STAC: variants seen among roughly 807,000 people sequenced by gnomAD.
STAC encodes the protein SH3 and cysteine-rich domain-containing protein.
In STAC, 43 loss-of-function variants were observed where a neutral mutation model predicts 48.8. The observed-to-expected ratio is 0.88, with a 90% CI of 0.69 to 1.14. The LOEUF (loss-of-function observed/expected upper bound fraction) is 1.14, where lower values mean the gene tolerates loss of function less well. STAC is among the 50% of genes most tolerant of loss of function. The pLI, the probability that STAC is intolerant of heterozygous loss-of-function variation, is 0.00. For missense variants in STAC, 497 were observed against 504.0 expected, an observed-to-expected ratio of 0.99 and a Z score of 0.13; for synonymous variants, 193 against 179.5, an observed-to-expected ratio of 1.07 and a Z score of -0.60.
intron 8 of STAC, among the ~76,000 whole-genome samples, chr3:36,512,607 T>A (rs1698570036): frequency 6.6e-6 from 1 of 152,058 alleles, no homozygotes; most frequent in African/African-American, 2.4e-5. Context: ...AGCTGCCTGG[T>A]GGTGGTCATC....
At chr3:36,437,383 C>A (rs1250795457) in intron 1 of STAC, among the ~76,000 whole-genome samples, 1 of 151,684 alleles carries the variant, frequency 6.6e-6, no homozygotes, top group Non-Finnish European at 1.5e-5. Flanking sequence ...ACCAAAATGT[C>A]CAACAATGTT....
chr3:36,385,035 C>G (rs1357667410), intron 1 of STAC, among the ~76,000 whole-genome samples: 1 of 152,122 alleles, frequency 6.6e-6, no homozygotes, highest in Non-Finnish European at 1.5e-5. Flanking sequence ...ATTGAAATCA[C>G]CAAGGGAACC....
intron 1 of STAC, among the ~76,000 whole-genome samples, chr3:36,381,291 T>C (rs1248771588): frequency 6.6e-6 from 1 of 152,202 alleles, no homozygotes; most frequent in Non-Finnish European, 1.5e-5. Context: ...ATGTTCCTCT[T>C]GTGAAAGTTA....
At chr3:36,536,586 A>G (rs1699203464) in intron 10 of STAC, among the ~76,000 whole-genome samples, 1 of 152,172 alleles carries the variant, frequency 6.6e-6, no homozygotes, top group Non-Finnish European at 1.5e-5. Flanking sequence ...ACCTTATACA[A>G]AAATTAACTC....
intron 8 of STAC, among the ~76,000 whole-genome samples, chr3:36,524,429 T>A (rs531458601): frequency 6.6e-6 from 1 of 151,888 alleles, no homozygotes; most frequent in African/African-American, 2.4e-5. Context: ...CTGTCTCTAC[T>A]AAAAATACAA....
intron 2 of STAC, among the ~76,000 whole-genome samples, chr3:36,458,401 A>G (rs1696910504): frequency 6.6e-6 from 1 of 152,182 alleles, no homozygotes; most frequent in South Asian, 2.1e-4. Context: ...AGCTCTTTCT[A>G]AAATATCACA....
intron 1 of STAC, among the ~76,000 whole-genome samples, chr3:36,442,884 G>A (rs1387922027): frequency 6.6e-6 from 1 of 151,940 alleles, no homozygotes; most frequent in East Asian, 1.9e-4. Context: ...TAGCGAGATG[G>A]ATTTTGAGCC....
At chr3:36,385,659 T>C (rs1418580518) in intron 1 of STAC, among the ~76,000 whole-genome samples, 1 of 152,110 alleles carries the variant, frequency 6.6e-6, no homozygotes, top group Admixed American at 6.5e-5. Context: ...CTCATACCCC[T>C]TTCTAATCAC....
At chr3:36,410,452 A>G (rs1331883735) in intron 1 of STAC, among the ~76,000 whole-genome samples, 1 of 152,202 alleles carries the variant, frequency 6.6e-6, no homozygotes, top group African/African-American at 2.4e-5. Context: ...CATTCAACAA[A>G]GAGGCTAATA....
At chr3:36,476,286 C>G (rs1253375273) in intron 2 of STAC, among the ~76,000 whole-genome samples, 1 of 152,208 alleles carries the variant, frequency 6.6e-6, no homozygotes, top group East Asian at 1.9e-4. Context: ...GTAATAGGTG[C>G]TCTGAGAACG....
chr3:36,537,934 T>A (rs904106771), intron 10 of STAC, among the ~76,000 whole-genome samples: 5 of 152,052 alleles, frequency 3.3e-5, no homozygotes, highest in Admixed American at 2.0e-4. Flanking sequence ...TTATTATTTG[T>A]GTTCTATCAA....
At chr3:36,454,233 C>G (rs952942595) in intron 2 of STAC, among the ~76,000 whole-genome samples, 6 of 152,162 alleles carry the variant, frequency 3.9e-5, no homozygotes, top group African/African-American at 1.4e-4. Context: ...CCACACTGCC[C>G]TTATGAGCTG....
intron 2 of STAC, among the ~76,000 whole-genome samples, chr3:36,481,532 C>G (rs1462855578): frequency 4.6e-5 from 7 of 152,156 alleles, no homozygotes. Context: ...CTGTGCTGTA[C>G]AGTGGGGTAT....
At chr3:36,488,002 G>A (rs936794310) in intron 5 of STAC, among the ~76,000 whole-genome samples, 2 of 152,232 alleles carry the variant, frequency 1.3e-5, no homozygotes, top group Non-Finnish European at 2.9e-5. Flanking sequence ...GGCTGCTTAG[G>A]TTGGGTAACA....
chr3:36,448,903 C>CA (rs1491216105), intron 2 of STAC, among the ~76,000 whole-genome samples: 1 of 12,652 alleles, frequency 7.9e-5, no homozygotes, highest in African/African-American at 6.7e-4. Context: ...AACAGTGAAC[C>CA]CCCCCCCCCA....
intron 2 of STAC, among the ~76,000 whole-genome samples, chr3:36,449,301 C>T (rs113629612): frequency 6.6e-6 from 1 of 152,052 alleles, no homozygotes; most frequent in Non-Finnish European, 1.5e-5. Context: ...GGCAGTGGGA[C>T]GAATGGATTG....
chr3:36,392,036 C>A (rs528923266), intron 1 of STAC, among the ~76,000 whole-genome samples: 10 of 152,202 alleles, frequency 6.6e-5, no homozygotes, highest in African/African-American at 2.4e-4. Flanking sequence ...CACATTCCCT[C>A]CCCTCCCCTC....
intron 1 of STAC, among the ~76,000 whole-genome samples, chr3:36,418,609 A>G (rs58992824): frequency 0.023 from 3,510 of 151,944 alleles, 65 homozygotes; most frequent in Non-Finnish European, 0.025. Context: ...AAAAATCTTA[A>G]TACTCTCGAT....
chr3:36,542,587 A>G (rs1297765684), intron 10 of STAC, among the ~76,000 whole-genome samples: 2 of 152,142 alleles, frequency 1.3e-5, no homozygotes, highest in African/African-American at 4.8e-5. Flanking sequence ...CTTTCTTTAA[A>G]TATCACTTCT....
Sources: gnomAD v4.1 joint callset for allele counts (sites outside exome capture counted in the v4.1 genomes callset) on GRCh38, gnomAD v4.1.1 for gene constraint, MANE v1.5 for transcripts, NCBI Gene and HGNC (gene_info 2026-07-23, HGNC 2026-07-21) for gene names.